The following SERPINB5 variants were observed in gnomAD, a reference collection of about 807,000 sequenced individuals.
The protein encoded by SERPINB5 is serpin family B member 5, also known as serpin B5.
In SERPINB5, 27 loss-of-function variants were observed where a neutral mutation model predicts 32.2. That is an observed-to-expected ratio of 0.84 (90% CI 0.62 to 1.16). The LOEUF (loss-of-function observed/expected upper bound fraction) is 1.16. Among genes scored for constraint, SERPINB5 ranks in the 50% most tolerant of loss-of-function variants. SERPINB5 has a pLI of 0.00. For synonymous variants in SERPINB5, 154 were observed against 157.4 expected (o/e 0.98, Z 0.16); for missense variants, 388 against 436.3 (o/e 0.89, Z 0.99).
rs1909646425 is a variant in SERPINB5 at position 63,504,941 on chromosome 18, T to TA, written c.*1225dup. ...TGCAGGTTCATGGATTACTTCTCTATAAAAAATATGTATTTACCAAAAATT... is the reference window on the plus strand; with the variant it reads ...TGCAGGTTCATGGATTACTTCTCTATAAAAAAATATGTATTTACCAAAAATT... On this transcript the variant is annotated 3_prime_UTR_variant, in exon 7 of 7. Coordinates refer to ENST00000382771, the MANE Select transcript of SERPINB5 (RefSeq NM_002639.5). 1.7e-5 allele frequency: 2 copies of TA among 119,856 alleles called. No homozygotes were observed. Among genetic ancestry groups the TA allele is most frequent in the East Asian group, 2.3e-4 (1 of 4,444 alleles). The allele number at this position is 119,856 out of a possible 1,614,324, so 7.4% of individuals were successfully genotyped here.
Position 63,480,382 on chromosome 18 carries a change from A to G in SERPINB5, c.-8+3337A>G, listed in dbSNP as rs114711003. 7.0e-3 allele frequency among the ~76,000 whole-genome samples: 1,061 copies of G among 152,352 alleles called. 11 individuals are homozygous for G. Among genetic ancestry groups the G allele is most frequent in the African/African-American group, 0.025 (1,036 of 41,576 alleles). The stretch of plus-strand genomic sequence containing the variant: ...AACTATAAACGAAGTTCTCCTTGTT[A>G]AAATGGTTACAGGGTTTTCACAGAA... On this transcript the variant is annotated intron_variant, in intron 1 of 6. Coordinates refer to ENST00000382771, the MANE Select transcript of SERPINB5 (RefSeq NM_002639.5).
chr18:63,497,074 T>A, intron 5 of SERPINB5: 2 of 583,466 alleles, frequency 3.4e-6, no homozygotes, highest in Non-Finnish European at 6.6e-6. Context: ...TCTGCCTCCT[T>A]CTTGAATAGC....
intron 6 of SERPINB5, 47 bp from the exon 7 acceptor site, chr18:63,503,283 C>T (rs762089134): frequency 6.5e-6 from 10 of 1,542,704 alleles, no homozygotes; most frequent in South Asian, 2.4e-5. Context: ...AGGTCTTTTA[C>T]AGTTGGAAAT....
intron 1 of SERPINB5, chr18:63,477,387 T>A (rs1434202208): frequency 6.6e-6 from 1 of 152,200 alleles, no homozygotes; most frequent in Admixed American, 6.5e-5. Context: ...GAGGACATTT[T>A]CAGGCCTACT....
Position 63,503,752 on chromosome 18 carries a change from A to C in SERPINB5, c.*30A>C. Reference sequence around the variant, plus strand: ...CATAGCCCATGTTAAGTCCTCCCTGACTTTTCTGTGGATGCCGATTTCTGT... The same window carrying C: ...CATAGCCCATGTTAAGTCCTCCCTGCCTTTTCTGTGGATGCCGATTTCTGT... On this transcript the variant is annotated 3_prime_UTR_variant, in exon 7 of 7. Transcript: ENST00000382771. 1 of 1,602,732 alleles carries C rather than the reference A, an allele frequency of 6.2e-7. No homozygotes were observed. Among genetic ancestry groups the C allele is most frequent in the Non-Finnish European group, 8.5e-7 (1 of 1,175,564 alleles).
intron 3 of SERPINB5, among the ~76,000 whole-genome samples, chr18:63,488,949 T>C (rs1917256892): frequency 6.6e-6 from 1 of 152,194 alleles, no homozygotes; most frequent in Non-Finnish European, 1.5e-5. Context: ...TACAGGATAT[T>C]TAGTTCAGCA....
chr18:63,503,856 T>C lies in SERPINB5; in HGVS notation c.*134T>C, dbSNP rs1221835964. ...TGGATCAGGAAGCCGCCAGTACTTGTCATATGTAGCCTTCACACAGATAGA... is the reference window on the plus strand; with the variant it reads ...TGGATCAGGAAGCCGCCAGTACTTGCCATATGTAGCCTTCACACAGATAGA... On this transcript the variant is annotated 3_prime_UTR_variant, in exon 7 of 7. Transcript: ENST00000382771. The C allele has an allele frequency of 2.3e-6, 2 of 864,990 alleles. No homozygotes were observed. The highest frequency in any genetic ancestry group is 3.6e-6 in the Non-Finnish European group (2 of 549,098). The allele number at this position is 864,990 out of a possible 1,614,324, so 53.6% of individuals were successfully genotyped here.
rs370525785 is a variant in SERPINB5 at position 63,492,945 on chromosome 18, T to C, written c.425-8T>C. On this transcript the variant is annotated splice_region_variant and splice_polypyrimidine_tract_variant and intron_variant, in intron 4 of 6. Transcript: ENST00000382771. ...TCTGCTACTTGTGTTTTCCTAAAAT[T>C]GTTGCAGGCCACTTTGAGAACATTT... 2.1e-5 allele frequency: 34 copies of C among 1,604,062 alleles called. No individual in the cohort carries two copies. The East Asian group carries it at 6.9e-4, about 33-fold the overall frequency.
At chr18:63,490,012 GA>G (rs1205174610) in intron 4 of SERPINB5, among the ~76,000 whole-genome samples, 1 of 150,796 alleles carries the variant, frequency 6.6e-6, no homozygotes, top group Non-Finnish European at 1.5e-5. Context: ...CTAACACGGT[GA>G]AACCCTGTCT....
chr18:63,484,999 CA>C (rs1917186607), intron 2 of SERPINB5, among the ~76,000 whole-genome samples: 1 of 152,136 alleles, frequency 6.6e-6, no homozygotes, highest in South Asian at 2.1e-4. Flanking sequence ...CTCGGCCTCC[CA>C]AAATGCTGGG....
intron 4 of SERPINB5, among the ~76,000 whole-genome samples, chr18:63,492,305 G>A (rs1030363981): frequency 2.0e-5 from 3 of 152,190 alleles, no homozygotes; most frequent in Admixed American, 6.5e-5. Context: ...AGTGGATGGA[G>A]AGCTGTGGGG....
chr18:63,484,501 C>G lies in SERPINB5; in HGVS notation c.73C>G (p.Leu25Val). 6.2e-7 allele frequency: 1 copy of G among 1,614,218 alleles called. No individual in the cohort carries two copies. The highest frequency in any genetic ancestry group is 8.5e-7 in the Non-Finnish European group (1 of 1,180,032). The stretch of plus-strand genomic sequence containing the variant: ...CAAACAACTATGTGAAAAGGAGCCA[C>G]TGGGCAATGTCCTCTTCTCTCCAAT... ...LFKQLCEKEPLGNVLFSPICL... is the reference protein window; with the variant it reads ...LFKQLCEKEPVGNVLFSPICL... The change falls in exon 2 of 7, where the codon CTG becomes GTG. Residue 25 changes from leucine (L) to valine (V), a missense_variant. Transcript: ENST00000382771.
In SERPINB5 at chr18:63,498,578, A is replaced by T. The variant is rs531709561; in HGVS notation, c.568-542A>T. Among the ~76,000 whole-genome samples the T allele has an allele frequency of 1.3e-5, 2 of 152,168 alleles. No homozygotes were observed. Among genetic ancestry groups the T allele is most frequent in the Non-Finnish European group, 2.9e-5 (2 of 68,048 alleles). ...GATCTATGCAAATACAGTATTATAT[A>T]TACTTCATGTAATGTGTAACATGTA... On this transcript the variant is annotated intron_variant, in intron 5 of 6. Transcript: ENST00000382771. The surrounding 1 kb of genome is among the most constrained non-coding windows in gnomAD (Gnocchi z 4.2).
chr18:63,505,084 CAT>C (rs1195587426), exon 7 of SERPINB5: 14 of 112,370 alleles, frequency 1.2e-4, no homozygotes, highest in East Asian at 3.2e-3. Context: ...TATTGAACTA[CAT>C]GTCTTGTTTT....
chr18:63,500,420 G>A (rs1008779482), intron 6 of SERPINB5, among the ~76,000 whole-genome samples: 6 of 151,908 alleles, frequency 3.9e-5, no homozygotes, highest in Non-Finnish European at 5.9e-5. Context: ...ATTTTAATAC[G>A]TACACATATA....
chr18:63,503,184 T>A, intron 6 of SERPINB5, 146 bp from the exon 7 acceptor site: 1 of 841,418 alleles, frequency 1.2e-6, no homozygotes, highest in Non-Finnish European at 1.8e-6. Flanking sequence ...CTGAGTCACA[T>A]ACCAAAAACT....
At chr18:63,489,268 A>T in intron 3 of SERPINB5, 79 bp from the exon 4 acceptor site, 1 of 799,910 alleles carries the variant, frequency 1.3e-6, no homozygotes. Context: ...TTGATATTTA[A>T]TAATCCTTTT....
At position 63,489,344 on chromosome 18, in the gene SERPINB5, CAGG is replaced by C; in HGVS notation, c.307_309del (p.Glu103del). The stretch of plus-strand genomic sequence containing the variant: ...CTGATTTTATGAACTGCATGTTTTT[CAGG>C]AGTTCATCAGCTCTACGAAGAGACC... On this transcript the variant is annotated splice_acceptor_variant and coding_sequence_variant, in exon 4 of 7. Transcript: ENST00000382771. LOFTEE classifies it high-confidence loss of function. 6.5e-7 allele frequency: 1 copy of C among 1,532,950 alleles called. No homozygotes were observed. The highest frequency in any genetic ancestry group is 1.2e-5 in the South Asian group (1 of 86,844). 95.0% of individuals were successfully genotyped at this position (1,532,950 alleles called of 1,614,324 possible). A position where few individuals can be genotyped will look rare whatever the true frequency, so the allele number is the denominator to read the frequency against.
chr18:63,497,700 CTTAA>C (rs1466244681), intron 5 of SERPINB5, among the ~76,000 whole-genome samples: 3 of 152,080 alleles, frequency 2.0e-5, no homozygotes, highest in Non-Finnish European at 2.9e-5. Context: ...AATATTTTGC[CTTAA>C]TTATTTCAGA....
Sources: allele counts gnomAD v4.1 joint callset (sites outside exome capture counted in the v4.1 genomes callset), GRCh38; gene constraint gnomAD v4.1.1; non-coding constraint Gnocchi (gnomAD v3.1); transcripts MANE v1.5; gene names NCBI Gene and HGNC (gene_info 2026-07-23, HGNC 2026-07-21).